Variants in ATP10A observed in about 807,000 individuals in gnomAD.
ATP10A encodes phospholipid-transporting ATPase VA.
In ATP10A, 111 loss-of-function variants were observed where a neutral mutation model predicts 147.8. That is an observed-to-expected ratio of 0.75 (90% CI 0.64 to 0.88). ATP10A has a LOEUF of 0.88. ATP10A is among the 40% of genes least tolerant of loss of function. ATP10A has a pLI of 0.00. For synonymous variants in ATP10A, 875 were observed against 841.6 expected (o/e 1.04, Z -0.69); for missense variants, 1,927 against 1,959.0 (o/e 0.98, Z 0.31).
intron 1 of ATP10A, among the ~76,000 whole-genome samples, chr15:25,839,003 A>T (rs1374444710): frequency 6.6e-6 from 1 of 152,160 alleles, no homozygotes; most frequent in East Asian, 1.9e-4. Context: ...GCAGTATAGT[A>T]TTTATTTCTC....
chr15:25,722,876 G>A (rs1902329838), intron 6 of ATP10A, among the ~76,000 whole-genome samples: 1 of 152,184 alleles, frequency 6.6e-6, no homozygotes, highest in Non-Finnish European at 1.5e-5. Flanking sequence ...ACCTTTCTGG[G>A]CATAGATAGC....
chr15:25,792,033 A>T lies in ATP10A; in HGVS notation c.450-10810T>A, dbSNP rs149062317. Among the ~76,000 whole-genome samples the T allele has an allele frequency of 6.5e-3, 989 of 152,232 alleles. 5 individuals are homozygous for T. Among genetic ancestry groups the T allele is most frequent in the Non-Finnish European group, 9.1e-3 (618 of 68,016 alleles). On this transcript the variant is annotated intron_variant, in intron 1 of 20. Coordinates refer to ENST00000555815, the MANE Select transcript of ATP10A (RefSeq NM_024490.4). ...AACAAACATTTAAATGGTCAAACCA[A>T]CTGATGTTCATTTTCCTCTGTTACG... is the stretch of plus-strand genomic sequence containing the variant.
In ATP10A at chr15:25,726,087, C is replaced by CG; in HGVS notation, c.848-6dup. 1 of 1,612,846 alleles carries CG rather than the reference C, an allele frequency of 6.2e-7. No individual in the cohort carries two copies. The highest frequency in any genetic ancestry group is 8.5e-7 in the Non-Finnish European group (1 of 1,179,242). On this transcript the variant is annotated splice_polypyrimidine_tract_variant and splice_region_variant and intron_variant, in intron 4 of 20. Transcript: ENST00000555815. Reference sequence around the variant, plus strand: ...GCAGAGCCTTGGTTTCATGTCCTGTCGGGGAGGACAAAGAGACATGGCAAG... The same window carrying CG: ...GCAGAGCCTTGGTTTCATGTCCTGTCGGGGGAGGACAAAGAGACATGGCAAG...
chr15:25,690,583 C>T (rs1009811503), intron 15 of ATP10A, among the ~76,000 whole-genome samples: 3 of 152,170 alleles, frequency 2.0e-5, no homozygotes, highest in Admixed American at 6.5e-5. Flanking sequence ...GGTTCATCTG[C>T]AAGTTTTTTC....
intron 1 of ATP10A, among the ~76,000 whole-genome samples, chr15:25,845,633 G>C (rs1172305725): frequency 2.0e-5 from 3 of 152,140 alleles, no homozygotes; most frequent in Non-Finnish European, 2.9e-5. Flanking sequence ...AGGGAGGGGA[G>C]TAAACACCCA....
intron 2 of ATP10A, among the ~76,000 whole-genome samples, chr15:25,774,035 T>A (rs1889478922): frequency 6.9e-6 from 1 of 145,752 alleles, no homozygotes. Context: ...TTTATTAAAT[T>A]CCCGTTTTTT....
intron 2 of ATP10A, among the ~76,000 whole-genome samples, chr15:25,751,209 A>T (rs1213072372): frequency 1.3e-5 from 2 of 152,140 alleles, no homozygotes; most frequent in Non-Finnish European, 2.9e-5. Context: ...AGCAGAGAAT[A>T]TTGCCAGGGA....
chr15:25,775,203 C>T (rs1165081570), intron 2 of ATP10A, among the ~76,000 whole-genome samples: 1 of 152,172 alleles, frequency 6.6e-6, no homozygotes, highest in Non-Finnish European at 1.5e-5. Context: ...GCAAATTATA[C>T]TTTTTCACTT....
chr15:25,769,874 TA>T lies in ATP10A; in HGVS notation c.654+11144del, dbSNP rs552391168. On this transcript the variant is annotated intron_variant, in intron 2 of 20. Coordinates refer to ENST00000555815, the MANE Select transcript of ATP10A (RefSeq NM_024490.4). ...TATTTGAAGACAGTTTTTAAAGAGGTAATAAGGGTTAAATGAGGTGACTGAG... is the reference window on the plus strand; with the variant it reads ...TATTTGAAGACAGTTTTTAAAGAGGTATAAGGGTTAAATGAGGTGACTGAG... 2.8e-4 allele frequency among the ~76,000 whole-genome samples: 42 copies of T among 151,988 alleles called. 1 individual carries two copies. The South Asian group carries it at 4.4e-3, about 16-fold the overall frequency.
At chr15:25,715,998 C>G (rs541395949) in intron 9 of ATP10A, among the ~76,000 whole-genome samples, 1 of 152,342 alleles carries the variant, frequency 6.6e-6, no homozygotes, top group Admixed American at 6.5e-5. Context: ...AGCTTTCACA[C>G]GTGCAACCTT....
At chr15:25,755,442 CT>C (rs1399405377) in intron 2 of ATP10A, among the ~76,000 whole-genome samples, 8 of 152,256 alleles carry the variant, frequency 5.3e-5, no homozygotes, top group Non-Finnish European at 1.2e-4. Flanking sequence ...CACAAATGAG[CT>C]TTTGAAAGCC....
In ATP10A at chr15:25,782,549, G is replaced by C. The variant is rs186481636; in HGVS notation, c.450-1326C>G. Among the ~76,000 whole-genome samples, 531 of 152,286 alleles carry C rather than the reference G, an allele frequency of 3.5e-3. 6 individuals carry two copies. The highest frequency in any genetic ancestry group is 0.012 in the African/African-American group (507 of 41,568). The stretch of plus-strand genomic sequence containing the variant: ...GCCAAATGGGACTTAAAGTGCAGCA[G>C]GTAAGGGAGATACTTGGCAGTTGGA... On this transcript the variant is annotated intron_variant, in intron 1 of 20. Coordinates refer to ENST00000555815, the MANE Select transcript of ATP10A (RefSeq NM_024490.4).
chr15:25,806,566 C>G (rs943882336), intron 1 of ATP10A, among the ~76,000 whole-genome samples: 5 of 152,176 alleles, frequency 3.3e-5, no homozygotes, highest in African/African-American at 4.8e-5. Flanking sequence ...CCCGCCTCAG[C>G]CTCCCAAAGT....
At chr15:25,705,386 T>A (rs1900914841) in intron 12 of ATP10A, among the ~76,000 whole-genome samples, 1 of 145,252 alleles carries the variant, frequency 6.9e-6, no homozygotes, top group South Asian at 2.1e-4. Context: ...CAATGTGCTG[T>A]GATCGCACCA....
chr15:25,705,454 C>A (rs56776871), intron 12 of ATP10A, among the ~76,000 whole-genome samples: 30,034 of 79,886 alleles, frequency 0.38, 4,221 homozygotes, highest in East Asian at 0.57. Context: ...AAAAAAAAAA[C>A]AAAAAAAAAA....
intron 16 of ATP10A, among the ~76,000 whole-genome samples, chr15:25,685,364 C>T (rs373140743): frequency 4.6e-5 from 7 of 152,146 alleles, no homozygotes; most frequent in African/African-American, 1.7e-4. Context: ...AGGGACTCAT[C>T]GCAGCAGGCA....
intron 1 of ATP10A, among the ~76,000 whole-genome samples, chr15:25,801,794 G>GTC (rs1179981109): frequency 6.6e-6 from 1 of 152,186 alleles, no homozygotes; most frequent in Non-Finnish European, 1.5e-5. Flanking sequence ...CCCCGTGCCA[G>GTC]TCTCTGAACC....
At chr15:25,788,486 G>C (rs1207604035) in intron 1 of ATP10A, among the ~76,000 whole-genome samples, 1 of 152,236 alleles carries the variant, frequency 6.6e-6, no homozygotes, top group African/African-American at 2.4e-5. Flanking sequence ...GCTGTCACCA[G>C]ACTGTCAACA....
rs558291857 is a variant in ATP10A at position 25,680,016 on chromosome 15, C to T, written c.3867-42G>A. ...AAAACAAAAAGTTAGATATTCCTGT[C>T]GGTGGTGTCTTTGAGCTTCCAGAGA... is the stretch of plus-strand genomic sequence containing the variant. On this transcript the variant is annotated intron_variant, in intron 20 of 20. Coordinates refer to ENST00000555815, the MANE Select transcript of ATP10A (RefSeq NM_024490.4). 53 of 1,582,060 alleles carry T rather than the reference C, an allele frequency of 3.4e-5. 1 individual carries two copies. The highest frequency in any genetic ancestry group is 2.8e-4 in the Admixed American group (16 of 57,900).
Sources: allele counts gnomAD v4.1 joint callset (sites outside exome capture counted in the v4.1 genomes callset), GRCh38; gene constraint gnomAD v4.1.1; transcripts MANE v1.5; gene names NCBI Gene and HGNC (gene_info 2026-07-23, HGNC 2026-07-21).